Variants in PTPA observed in about 807,000 individuals in gnomAD.
The protein encoded by PTPA is protein phosphatase 2 phosphatase activator.
A neutral mutation model predicts 43.6 loss-of-function variants in PTPA; 13 were observed. The observed-to-expected ratio is 0.30, with a 90% confidence interval of 0.19 to 0.47. The LOEUF is 0.47. PTPA is among the 20% of genes least tolerant of loss of function. The pLI, the probability that PTPA is intolerant of heterozygous loss-of-function variation, is 0.99. For synonymous variants in PTPA, 172 were observed against 158.2 expected (o/e 1.09, Z -0.66); for missense variants, 329 against 411.9 (o/e 0.80, Z 1.74).
At chr9:129,135,259 G>A (rs987536513) in intron 6 of PTPA, among the ~76,000 whole-genome samples, 21 of 152,134 alleles carry the variant, frequency 1.4e-4, no homozygotes, top group African/African-American at 5.1e-4. Context: ...TGGGCGTGGT[G>A]GCACTCGCCT....
chr9:129,111,884 C>A, intron 1 of PTPA: 1 of 955,190 alleles, frequency 1.0e-6, no homozygotes, highest in Non-Finnish European at 1.4e-6. Flanking sequence ...GTCCAGGCTG[C>A]CCGAATGCTG....
intron 1 of PTPA, chr9:129,111,966 C>T (rs1848533169): frequency 1.7e-5 from 6 of 348,510 alleles, no homozygotes; most frequent in Middle Eastern, 1.6e-3. Context: ...AAGCTGCTGA[C>T]TCGGTGGGGA....
chr9:129,143,621 T>TA, intron 9 of PTPA: 1 of 595,974 alleles, frequency 1.7e-6, no homozygotes. Context: ...TAATGAGGCT[T>TA]GAACTGAACA....
Position 129,142,544 on chromosome 9 carries a change from A to G in PTPA, c.886A>G (p.Lys296Glu). 1.2e-6 allele frequency: 2 copies of G among 1,614,114 alleles called. No individual in the cohort carries two copies. The highest frequency in any genetic ancestry group is 2.2e-5 in the South Asian group (2 of 91,082). ...KVNQGLIRMYKAECLEKFPVI... is the reference protein window; with the variant it reads ...KVNQGLIRMYEAECLEKFPVI... Reference sequence around the variant, plus strand: ...GAACCAGGGTCTCATCCGCATGTATAAGGCCGAGGTGAGTGGGGGCTGGCC... The same window carrying G: ...GAACCAGGGTCTCATCCGCATGTATGAGGCCGAGGTGAGTGGGGGCTGGCC... The change falls in exon 9 of 10, where the codon AAG (lysine) becomes GAG (glutamate). Residue 296 changes from lysine (K) to glutamate (E), a missense_variant. Transcript: ENST00000393370.
At chr9:129,131,875 C>T (rs918215628) in intron 5 of PTPA, among the ~76,000 whole-genome samples, 14 of 152,162 alleles carry the variant, frequency 9.2e-5, no homozygotes, top group Admixed American at 5.2e-4. Context: ...GCTGATGCCC[C>T]GTGCATGGTG....
Position 129,128,976 on chromosome 9 carries a change from C to T in PTPA, c.217-9C>T. 6.2e-7 allele frequency: 1 copy of T among 1,612,888 alleles called. No individual in the cohort carries two copies. The highest frequency in any genetic ancestry group is 8.5e-7 in the Non-Finnish European group (1 of 1,179,734). On this transcript the variant is annotated splice_polypyrimidine_tract_variant and intron_variant, in intron 3 of 9. Coordinates refer to ENST00000393370, the MANE Select transcript of PTPA (RefSeq NM_178000.3). ...CTGTAGCTTGGACCCCTCTATTTTG[C>T]CTCCACAGGCCATTGAGAAACTAGT...
At chr9:129,111,945 C>G in intron 1 of PTPA, 1 of 462,424 alleles carries the variant, frequency 2.2e-6, no homozygotes, top group Non-Finnish European at 3.4e-6. Flanking sequence ...CTGGGCAGCG[C>G]GTGCTTAAGT....
At chr9:129,127,834 A>G (rs1849678399) in intron 3 of PTPA, 1 of 515,276 alleles carries the variant, frequency 1.9e-6, no homozygotes, top group Non-Finnish European at 3.3e-6. Flanking sequence ...TTGTGTATGA[A>G]ATAGGTAGTG....
intron 5 of PTPA, among the ~76,000 whole-genome samples, chr9:129,132,926 T>G (rs1850078806): frequency 6.6e-6 from 1 of 152,198 alleles, no homozygotes; most frequent in Non-Finnish European, 1.5e-5. Context: ...CAAGCCACCA[T>G]GCTGAGACCC....
At chr9:129,116,702 G>C (rs1032596504) in intron 1 of PTPA, among the ~76,000 whole-genome samples, 4 of 150,322 alleles carry the variant, frequency 2.7e-5, no homozygotes, top group Admixed American at 6.6e-5. Context: ...GCTAATTTTT[G>C]TTATTTTTAG....
chr9:129,113,652 C>T (rs1367422536), intron 1 of PTPA, among the ~76,000 whole-genome samples: 1 of 151,974 alleles, frequency 6.6e-6, no homozygotes, highest in African/African-American at 2.4e-5. Context: ...CGTCTGTAAT[C>T]GCAGCTACTC....
At chr9:129,111,159 CCACAAAGA>C, upstream of PTPA, 1 of 1,211,214 alleles carries the variant, frequency 8.3e-7, no homozygotes, top group Non-Finnish European at 1.1e-6. Context: ...TCAGTACCAC[CCACAAAGA>C]TGACAGGTGG....
At chr9:129,131,484 A>G in intron 4 of PTPA, 38 bp from the exon 5 acceptor site, 4 of 1,591,578 alleles carry the variant, frequency 2.5e-6, no homozygotes, top group Non-Finnish European at 2.6e-6. Context: ...GATGCTGCTT[A>G]ATATGCTGCC....
intron 3 of PTPA, among the ~76,000 whole-genome samples, chr9:129,124,461 T>C (rs1185079952): frequency 6.6e-6 from 1 of 152,256 alleles, no homozygotes; most frequent in Non-Finnish European, 1.5e-5. Flanking sequence ...GAAGGATTCA[T>C]TCTTAGACGT....
intron 9 of PTPA, among the ~76,000 whole-genome samples, chr9:129,144,622 C>T (rs2131631809): frequency 6.6e-6 from 1 of 151,464 alleles, no homozygotes; most frequent in South Asian, 2.1e-4. Context: ...GCCTGTAGTC[C>T]CAGCTACTCG....
intron 8 of PTPA, 110 bp from the exon 9 acceptor site, chr9:129,142,335 C>A: frequency 2.4e-6 from 2 of 833,800 alleles, no homozygotes; most frequent in Non-Finnish European, 3.6e-6. Flanking sequence ...TGTGCGTGTG[C>A]GTTTGTGTGT....
chr9:129,131,554 T>C lies in PTPA; in HGVS notation c.375T>C (p.Pro125=), dbSNP rs370147649. 19 of 1,613,900 alleles carry C rather than the reference T, an allele frequency of 1.2e-5. No homozygotes were observed. The East Asian group carries it at 4.0e-4, about 34-fold the overall frequency. Residue 125 remains proline, a synonymous_variant, in exon 5 of 10, where the codon CCT becomes CCC. Transcript: ENST00000393370. ...AAAACTTGGTGGCCACAGTGGTCCCTACCCATCTGGCAGCTGCTGTGCCTG... is the reference window on the plus strand; with the variant it reads ...AAAACTTGGTGGCCACAGTGGTCCCCACCCATCTGGCAGCTGCTGTGCCTG... The part of the protein sequence containing the change: ...EAENLVATVV[P]THLAAAVPEV...
At chr9:129,142,186 G>A (rs1322642692) in intron 8 of PTPA, 2 of 392,422 alleles carry the variant, frequency 5.1e-6, no homozygotes, top group Non-Finnish European at 9.0e-6. Flanking sequence ...GGGTAGGTGG[G>A]CAAGGAATGT....
At chr9:129,130,783 G>C (rs1393448302) in intron 4 of PTPA, among the ~76,000 whole-genome samples, 6 of 152,172 alleles carry the variant, frequency 3.9e-5, no homozygotes, top group African/African-American at 1.4e-4. Context: ...CTCATGCCAA[G>C]TTTTTTACCC....
Sources: allele counts gnomAD v4.1 joint callset (sites outside exome capture counted in the v4.1 genomes callset), GRCh38; gene constraint gnomAD v4.1.1; transcripts MANE v1.5; gene names NCBI Gene and HGNC (gene_info 2026-07-23, HGNC 2026-07-21).